MMP28: variants seen among roughly 807,000 people sequenced by gnomAD.
The protein encoded by MMP28 is matrix metallopeptidase 28, also known as matrix metalloproteinase-28.
MMP28 carries 55 observed loss-of-function variants against 60.5 expected under a neutral mutation model. That is an observed-to-expected ratio of 0.91 (90% CI 0.73 to 1.14). The LOEUF (loss-of-function observed/expected upper bound fraction) is 1.14, where lower values mean the gene tolerates loss of function less well. MMP28 is among the 50% of genes most tolerant of loss of function. MMP28 has a pLI of 0.00. For missense variants in MMP28, 686 were observed against 738.3 expected, an observed-to-expected ratio of 0.93 and a Z score of 0.82; for synonymous variants, 318 against 312.5, an observed-to-expected ratio of 1.02 and a Z score of -0.18.
chr17:35,770,182 C>T lies in MMP28; in HGVS notation c.735G>A (p.Thr245=), dbSNP rs766918371. 7.5e-6 allele frequency: 12 copies of T among 1,605,818 alleles called. No individual in the cohort carries two copies. The highest frequency in any genetic ancestry group is 2.7e-5 in the African/African-American group (2 of 74,818). ...GCGCGGGCGAGTGGGTGAGGCCAAG[C>T]GTGTGACCGATCTCGTGCGCCAGCA... ...FVVLAHEIGH[T]LGLTHSPAPR... The change falls in exon 5 of 8, where the codon ACG becomes ACA. Residue 245 remains threonine, a synonymous_variant. Transcript: ENST00000605424.
intron 1 of MMP28, among the ~76,000 whole-genome samples, chr17:35,793,837 C>A (rs994622868): frequency 1.3e-5 from 2 of 152,170 alleles, no homozygotes; most frequent in African/African-American, 4.8e-5. Flanking sequence ...GTGGCTCACG[C>A]CTGTAATCCA....
At chr17:35,765,471 G>A (rs760591444), downstream of MMP28, among the ~76,000 whole-genome samples, 3 of 152,230 alleles carry the variant, frequency 2.0e-5, no homozygotes, top group East Asian at 1.9e-4. Context: ...CCTTCTCCAG[G>A]AATCCCAGCT....
intron 1 of MMP28, among the ~76,000 whole-genome samples, chr17:35,786,054 TTG>T (rs1323345254): frequency 2.7e-5 from 4 of 147,778 alleles, no homozygotes; most frequent in African/African-American, 1.0e-4. Flanking sequence ...ACTCACCTTC[TTG>T]TTTTTTTTTT....
In MMP28 at chr17:35,766,550, G is replaced by A; in HGVS notation, c.1513C>T (p.Leu505=). ...ATTSGRWATE[L]PWMGCWHANS... ...GCATGCCAGCAGCCCATCCAGGGCA[G>A]CTCGGTGGCCCAGCGGCCCGAGGTG... is the stretch of plus-strand genomic sequence containing the variant. Residue 505 remains leucine, a synonymous_variant, in exon 8 of 8, where the codon CTG becomes TTG. Transcript: ENST00000605424. The surrounding 1 kb of genome is among the most constrained non-coding windows in gnomAD (Gnocchi z 4.3). The A allele has an allele frequency of 6.2e-7, 1 of 1,609,934 alleles. No homozygotes were observed. The highest frequency in any genetic ancestry group is 8.5e-7 in the Non-Finnish European group (1 of 1,179,000).
intron 1 of MMP28, among the ~76,000 whole-genome samples, chr17:35,789,727 G>A (rs1250998837): frequency 2.0e-5 from 3 of 151,136 alleles, no homozygotes; most frequent in Non-Finnish European, 4.4e-5. Flanking sequence ...TTTAAAATTA[G>A]TTCTGTTTTG....
chr17:35,757,350 G>A (rs1048383449), intron 2 of MMP28: 2 of 152,128 alleles, frequency 1.3e-5, no homozygotes, highest in Non-Finnish European at 1.5e-5. Flanking sequence ...TCTGGCCAAT[G>A]AGATTCAAAG....
At chr17:35,795,156 G>A in intron 1 of MMP28, 111 bp downstream of exon 1, 1 of 649,826 alleles carries the variant, frequency 1.5e-6, no homozygotes, top group Non-Finnish European at 2.3e-6. Context: ...GAGGACAGGG[G>A]TAGGGTAACG....
chr17:35,781,996 A>C (rs540796836), intron 1 of MMP28, among the ~76,000 whole-genome samples: 2 of 151,444 alleles, frequency 1.3e-5, no homozygotes, highest in Non-Finnish European at 2.9e-5. Context: ...AGCCTCTTGA[A>C]TAGCTAGGAC....
chr17:35,766,469 C>T lies in MMP28; in HGVS notation c.*31G>A. 6.5e-7 allele frequency: 1 copy of T among 1,542,118 alleles called. No individual in the cohort carries two copies. Among genetic ancestry groups the T allele is most frequent in the East Asian group, 2.3e-5 (1 of 43,088 alleles). ...GGGGAACATGATTTTGCCCTGAGAGCACCACCAGTTTCTGAGGTGAGGAGG... is the reference window on the plus strand; with the variant it reads ...GGGGAACATGATTTTGCCCTGAGAGTACCACCAGTTTCTGAGGTGAGGAGG... On this transcript the variant is annotated 3_prime_UTR_variant, in exon 8 of 8. Coordinates refer to ENST00000605424, the MANE Select transcript of MMP28 (RefSeq NM_024302.5). The surrounding 1 kb of genome is among the most constrained non-coding windows in gnomAD (Gnocchi z 4.3).
intron 3 of MMP28, among the ~76,000 whole-genome samples, chr17:35,775,099 G>A (rs2143355996): frequency 1.3e-5 from 2 of 152,312 alleles, no homozygotes; most frequent in South Asian, 4.1e-4. Context: ...GAAGGTGACA[G>A]GTCTCAGAAT....
chr17:35,756,563 C>T (rs1433703465), intron 2 of MMP28: 5 of 352,746 alleles, frequency 1.4e-5, no homozygotes, highest in Non-Finnish European at 2.0e-5. Context: ...CTCTGCTTCT[C>T]GGGTTCAAGT....
At chr17:35,758,168 G>T (rs942249405) in intron 2 of MMP28, 2 of 152,150 alleles carry the variant, frequency 1.3e-5, no homozygotes, top group Non-Finnish European at 2.9e-5. Context: ...GCTTGAGCTT[G>T]CCAATAGAAT....
At chr17:35,780,842 A>G (rs2086477877) in intron 1 of MMP28, among the ~76,000 whole-genome samples, 1 of 138,600 alleles carries the variant, frequency 7.2e-6, no homozygotes, top group Admixed American at 6.9e-5. Context: ...CTCGAAAAGA[A>G]AAAAAAAAAA....
chr17:35,768,329 T>C lies in MMP28; in HGVS notation c.901A>G (p.Thr301Ala), dbSNP rs758034658. 7 of 1,613,022 alleles carry C rather than the reference T, an allele frequency of 4.3e-6. No individual in the cohort carries two copies. The South Asian group carries it at 4.4e-5, about 10-fold the overall frequency. Residue 301 changes from threonine to alanine, a missense_variant, in exon 6 of 8, where the codon ACT becomes GCT. Coordinates refer to ENST00000605424, the MANE Select transcript of MMP28 (RefSeq NM_024302.5). ...TAGGAGTCCCAGGTCTCAAAGTCAG[T>C]GAACAGCTTTCCTGGGAGCTGGACG... ...VAVQLPGKLF[T>A]DFETWDSYSP...
At chr17:35,780,042 T>C (rs2086453360) in intron 1 of MMP28, among the ~76,000 whole-genome samples, 2 of 152,140 alleles carry the variant, frequency 1.3e-5, no homozygotes, top group African/African-American at 4.8e-5. Flanking sequence ...TCCCCACCGA[T>C]GTAGATATAT....
intron 4 of MMP28, 134 bp downstream of exon 4, chr17:35,773,046 C>A: frequency 1.4e-6 from 1 of 724,626 alleles, no homozygotes; most frequent in South Asian, 1.9e-5. Flanking sequence ...GATGAGGAGA[C>A]TGAGGGTTCT....
At chr17:35,786,699 C>CAAAAAAAAAAAAAAGAAAAAAAAA (rs2086658060) in intron 1 of MMP28, among the ~76,000 whole-genome samples, 1 of 71,068 alleles carries the variant, frequency 1.4e-5, no homozygotes, top group Non-Finnish European at 2.8e-5. Context: ...CCTGTCTCTA[C>CAAAAAAAAAAAAAAGAAAAAAAAA]AAAAAAAAAA....
In MMP28 at chr17:35,766,573, G is replaced by A; in HGVS notation, c.1490C>T (p.Thr497Ile). 6.2e-7 allele frequency: 1 copy of A among 1,611,942 alleles called. No individual in the cohort carries two copies. The highest frequency in any genetic ancestry group is 1.1e-5 in the South Asian group (1 of 90,966). Residue 497 changes from threonine to isoleucine, a missense_variant, in exon 8 of 8, where the codon ACC becomes ATC. Transcript: ENST00000605424. The surrounding 1 kb of genome is among the most constrained non-coding windows in gnomAD (Gnocchi z 4.3). The part of the protein sequence containing the change: ...RLDQAKLQAT[T>I]SGRWATELPW... ...CAGCTCGGTGGCCCAGCGGCCCGAGGTGGTTGCCTGCAGTTTGGCCTGGTC... is the reference window on the plus strand; with the variant it reads ...CAGCTCGGTGGCCCAGCGGCCCGAGATGGTTGCCTGCAGTTTGGCCTGGTC...
intron 1 of MMP28, among the ~76,000 whole-genome samples, chr17:35,784,719 TG>T (rs1475873091): frequency 6.6e-6 from 1 of 152,136 alleles, no homozygotes; most frequent in African/African-American, 2.4e-5. Flanking sequence ...CAAACCCTCT[TG>T]GGGGCCATTT....
Sources: gnomAD v4.1 joint callset for allele counts (sites outside exome capture counted in the v4.1 genomes callset) on GRCh38, gnomAD v4.1.1 for gene constraint, Gnocchi (gnomAD v3.1) non-coding constraint, MANE v1.5 for transcripts, NCBI Gene and HGNC (gene_info 2026-07-23, HGNC 2026-07-21) for gene names.